The following SHB variants were observed in gnomAD, a reference collection of about 807,000 sequenced individuals.
The protein encoded by SHB is SH2 domain-containing adapter protein B.
A neutral mutation model predicts 52.3 loss-of-function variants in SHB; 20 were observed. The ratio of observed to expected loss-of-function variants is 0.38; its 90% CI spans 0.27 to 0.56. The LOEUF is 0.56. Ranked by LOEUF, SHB falls within the 20% of genes least tolerant of loss-of-function variation. SHB has a pLI of 0.71. For missense variants in SHB, 825 were observed against 723.3 expected (o/e 1.14, Z -1.61); for synonymous variants, 397 against 316.5 (o/e 1.25, Z -2.70).
At chr9:38,005,702 A>G (rs1046077139) in intron 2 of SHB, among the ~76,000 whole-genome samples, 1 of 152,216 alleles carries the variant, frequency 6.6e-6, no homozygotes, top group Non-Finnish European at 1.5e-5. Context: ...GTAAGTTTCC[A>G]GAAAGCCAGC....
At chr9:37,951,474 G>A (rs971033203) in intron 4 of SHB, among the ~76,000 whole-genome samples, 18 of 152,242 alleles carry the variant, frequency 1.2e-4, no homozygotes, top group African/African-American at 4.3e-4. Context: ...AGAGTTAACA[G>A]GTTTGGGAAG....
At position 37,916,962 on chromosome 9, in the gene SHB, GTTGTGTGGCAGGAGCTT is replaced by G. The variant is rs1832107328; in HGVS notation, c.*2842_*2858del. Among the ~76,000 whole-genome samples the G allele has an allele frequency of 1.3e-5, 2 of 151,678 alleles. No individual in the cohort carries two copies. The highest frequency in any genetic ancestry group is 2.9e-5 in the Non-Finnish European group (2 of 67,976). ...TCAGACAAAATGCCGAGGGCGCGAC[GTTGTGTGGCAGGAGCTT>G]TTCTTTTCTCTCAAAGAAATCCAGC... is the stretch of plus-strand genomic sequence containing the variant. On this transcript the variant is annotated 3_prime_UTR_variant, in exon 6 of 6. Coordinates refer to ENST00000377707, the MANE Select transcript of SHB (RefSeq NM_003028.3).
rs1181717238 is a variant in SHB at position 38,066,791 on chromosome 9, GGTAAGAGCCT to G, written c.717+1128_717+1137del. Among the ~76,000 whole-genome samples the G allele has an allele frequency of 8.5e-5, 13 of 152,280 alleles. No homozygotes were observed. In the East Asian group the frequency reaches 1.7e-3, roughly 20 times the overall value. On this transcript the variant is annotated intron_variant, in intron 1 of 5. Coordinates refer to ENST00000377707, the MANE Select transcript of SHB (RefSeq NM_003028.3). ...ATCCCTTTCCAAGCACCAGATGGCAGGTAAGAGCCTGTCTCCCTCCTGTCTGGACATCCAG... is the reference window on the plus strand; with the variant it reads ...ATCCCTTTCCAAGCACCAGATGGCAGGTCTCCCTCCTGTCTGGACATCCAG...
chr9:38,050,052 A>G (rs1821719676), intron 1 of SHB, among the ~76,000 whole-genome samples: 1 of 152,184 alleles, frequency 6.6e-6, no homozygotes, highest in Admixed American at 6.5e-5. Flanking sequence ...TGGCCTCCCA[A>G]AGTGCTGGGA....
rs1049926017 is a variant in SHB at position 38,068,950 on chromosome 9, C to G, written c.-305G>C. On this transcript the variant is annotated 5_prime_UTR_variant, in exon 1 of 6. Transcript: ENST00000377707. ...GGGGAGAGCGGAAGGTCCGAGCGCTCCACGCCGCGGACCCTTTGGCCGTAC... is the reference window on the plus strand; with the variant it reads ...GGGGAGAGCGGAAGGTCCGAGCGCTGCACGCCGCGGACCCTTTGGCCGTAC... 2.0e-5 allele frequency: 3 copies of G among 151,922 alleles called. No homozygotes were observed. The highest frequency in any genetic ancestry group is 7.2e-5 in the African/African-American group (3 of 41,494). 9.4% of individuals were successfully genotyped at this position (151,922 alleles called of 1,614,324 possible). A position where few individuals can be genotyped will look rare whatever the true frequency, so the allele number is the denominator to read the frequency against.
At chr9:37,920,249 C>A (rs549078879) in intron 5 of SHB, among the ~76,000 whole-genome samples, 1 of 151,914 alleles carries the variant, frequency 6.6e-6, no homozygotes, top group Non-Finnish European at 1.5e-5. Flanking sequence ...CATTCCAACA[C>A]TGAGCGCTTC....
intron 2 of SHB, among the ~76,000 whole-genome samples, chr9:37,991,461 T>C (rs907592350): frequency 4.6e-5 from 7 of 152,238 alleles, no homozygotes; most frequent in Non-Finnish European, 5.9e-5. Context: ...TTTTGAAGTT[T>C]AGGAAATTAA....
intron 3 of SHB, among the ~76,000 whole-genome samples, chr9:37,959,491 G>A (rs1005435094): frequency 1.4e-4 from 21 of 152,138 alleles, no homozygotes; most frequent in Non-Finnish European, 2.4e-4. Context: ...TCAGGAGACC[G>A]AGGGACCAGA....
intron 5 of SHB, among the ~76,000 whole-genome samples, chr9:37,937,580 C>T (rs887245949): frequency 6.6e-6 from 1 of 152,140 alleles, no homozygotes; most frequent in Non-Finnish European, 1.5e-5. Context: ...GACATAGACC[C>T]GCGGATGGAA....
Position 37,974,667 on chromosome 9 carries a change from C to T in SHB, c.1009G>A (p.Asp337Asn), listed in dbSNP as rs764498511. The T allele has an allele frequency of 5.0e-6, 8 of 1,613,828 alleles. No individual in the cohort carries two copies. Among genetic ancestry groups the T allele is most frequent in the East Asian group, 4.5e-5 (2 of 44,876 alleles). ...QDDDRPADEY[D>N]QPWEWNRVTI... Reference sequence around the variant, plus strand: ...ACCCGGTTCCACTCCCAAGGCTGGTCGTACTCATCGGCGGGCCTGTCGTCA... The same window carrying T: ...ACCCGGTTCCACTCCCAAGGCTGGTTGTACTCATCGGCGGGCCTGTCGTCA... Residue 337 changes from aspartate to asparagine, a missense_variant, in exon 3 of 6, where the codon GAC becomes AAC. Asp to Asn is a conservative substitution (Grantham distance 23). Transcript: ENST00000377707.
chr9:37,997,912 C>A (rs1820969388), intron 2 of SHB, among the ~76,000 whole-genome samples: 2 of 152,196 alleles, frequency 1.3e-5, no homozygotes, highest in South Asian at 2.1e-4. Flanking sequence ...CAGGAGGAGA[C>A]CCTGCTAAGG....
intron 3 of SHB, among the ~76,000 whole-genome samples, chr9:37,971,683 C>T (rs985750290): frequency 2.0e-5 from 3 of 152,226 alleles, no homozygotes; most frequent in Non-Finnish European, 2.9e-5. Context: ...CTTCTATCAA[C>T]AGCCCAATAA....
At position 37,974,712 on chromosome 9, in the gene SHB, C is replaced by G. The variant is rs538940001; in HGVS notation, c.964G>C (p.Glu322Gln). The change falls in exon 3 of 6, where the codon GAG becomes CAG. Residue 322 changes from glutamate (E) to glutamine (Q), a missense_variant. Glu to Gln is a conservative substitution (Grantham distance 29). Transcript: ENST00000377707. ...SESTVSPRLRESKLPQDDDRP... is the reference protein window; with the variant it reads ...SESTVSPRLRQSKLPQDDDRP... Reference sequence around the variant, plus strand: ...TCGTCATCCTGGGGCAGCTTGCTCTCCCGCAGTCGGGGGCTGACTGTGCTC... The same window carrying G: ...TCGTCATCCTGGGGCAGCTTGCTCTGCCGCAGTCGGGGGCTGACTGTGCTC... The G allele has an allele frequency of 6.2e-7, 1 of 1,614,116 alleles. No individual in the cohort carries two copies. The highest frequency in any genetic ancestry group is 1.7e-5 in the Admixed American group (1 of 60,018).
At chr9:38,005,466 C>T (rs1821066651) in intron 2 of SHB, among the ~76,000 whole-genome samples, 1 of 152,178 alleles carries the variant, frequency 6.6e-6, no homozygotes, top group South Asian at 2.1e-4. Flanking sequence ...TACATTGCCG[C>T]CACCAAGGGA....
chr9:37,928,115 G>T (rs1482492760), intron 5 of SHB, among the ~76,000 whole-genome samples: 1 of 152,172 alleles, frequency 6.6e-6, no homozygotes, highest in African/African-American at 2.4e-5. Context: ...CCCTCCCCCT[G>T]GGCCTCAGCG....
chr9:37,980,101 T>TC (rs1820706159), intron 2 of SHB, among the ~76,000 whole-genome samples: 1 of 151,998 alleles, frequency 6.6e-6, no homozygotes, highest in African/African-American at 2.4e-5. Flanking sequence ...TTTATGCCCC[T>TC]CCCCCCAGCT....
chr9:37,999,247 G>C (rs1295254489), intron 2 of SHB, among the ~76,000 whole-genome samples: 1 of 152,174 alleles, frequency 6.6e-6, no homozygotes, highest in East Asian at 1.9e-4. Flanking sequence ...GGGACAGTGA[G>C]GAGGGATCTG....
At chr9:38,043,794 C>T (rs1254981313) in intron 1 of SHB, among the ~76,000 whole-genome samples, 1 of 151,552 alleles carries the variant, frequency 6.6e-6, no homozygotes, top group Non-Finnish European at 1.5e-5. Flanking sequence ...GAGGCTGAGG[C>T]AGGAGAATGG....
intron 1 of SHB, among the ~76,000 whole-genome samples, chr9:38,020,921 T>C (rs558112566): frequency 1.3e-5 from 2 of 152,170 alleles, no homozygotes; most frequent in Non-Finnish European, 2.9e-5. Flanking sequence ...CAATTTACTC[T>C]CAGCAAACTC....
Sources: gnomAD v4.1 joint callset for allele counts (sites outside exome capture counted in the v4.1 genomes callset) on GRCh38, gnomAD v4.1.1 for gene constraint, MANE v1.5 for transcripts, NCBI Gene and HGNC (gene_info 2026-07-23, HGNC 2026-07-21) for gene names.